The following AKAP1 variants were observed in gnomAD, a reference collection of about 807,000 sequenced individuals.
AKAP1 encodes the protein A-kinase anchoring protein 1.
A neutral mutation model predicts 79.8 loss-of-function variants in AKAP1; 32 were observed. The observed-to-expected ratio is 0.40, with a 90% confidence interval of 0.30 to 0.54. The LOEUF is 0.54. Ranked by LOEUF, AKAP1 falls within the 20% of genes least tolerant of loss-of-function variation. The pLI, the probability that AKAP1 is intolerant of heterozygous loss-of-function variation, is 0.47. For synonymous variants in AKAP1, 416 were observed against 466.7 expected, an observed-to-expected ratio of 0.89 and a Z score of 1.40; for missense variants, 961 against 1,138.9, an observed-to-expected ratio of 0.84 and a Z score of 2.25.
chr17:57,115,321 G>C (rs1915513583), intron 6 of AKAP1, among the ~76,000 whole-genome samples: 1 of 152,094 alleles, frequency 6.6e-6, no homozygotes, highest in Admixed American at 6.6e-5. Flanking sequence ...TTTTCCTTTT[G>C]GAAGGATAAG....
chr17:57,097,519 C>G (rs1291847173), intron 1 of AKAP1, among the ~76,000 whole-genome samples: 1 of 152,270 alleles, frequency 6.6e-6, no homozygotes, highest in Non-Finnish European at 1.5e-5. Context: ...CTCGACCAAA[C>G]TCCCATGGAA....
In AKAP1 at chr17:57,118,459, G is replaced by A. The variant is rs765893621; in HGVS notation, c.2574+5G>A. Reference sequence around the variant, plus strand: ...AATACAGCACTGCTTGCTCAGGTGTGTGGTTGGCAGGGGTGGGGGAGGCAG... The same window carrying A: ...AATACAGCACTGCTTGCTCAGGTGTATGGTTGGCAGGGGTGGGGGAGGCAG... On this transcript the variant is annotated splice_donor_5th_base_variant and intron_variant, in intron 9 of 10. Coordinates refer to ENST00000337714, the MANE Select transcript of AKAP1 (RefSeq NM_003488.4). 1 of 1,613,884 alleles carries A rather than the reference G, an allele frequency of 6.2e-7. No individual in the cohort carries two copies. The highest frequency in any genetic ancestry group is 8.5e-7 in the Non-Finnish European group (1 of 1,179,860).
At chr17:57,119,427 A>G (rs765071595) in intron 10 of AKAP1, among the ~76,000 whole-genome samples, 3 of 152,030 alleles carry the variant, frequency 2.0e-5, no homozygotes, top group East Asian at 3.9e-4. Flanking sequence ...TAAAAAGCCT[A>G]TCCTGGCCAG....
chr17:57,114,623 C>G lies in AKAP1; in HGVS notation c.2268C>G (p.Pro756=), dbSNP rs1235342976. Reference sequence around the variant, plus strand: ...CTCAGCCTGGAATCCCCACCTTGCCCACCCCAGTGGAAAGTAAGCAGTGCC... The same window carrying G: ...CTCAGCCTGGAATCCCCACCTTGCCGACCCCAGTGGAAAGTAAGCAGTGCC... The part of the protein sequence containing the change: ...CYSQPGIPTL[P]TPVEITVICA... Residue 756 remains proline, a synonymous_variant, in exon 6 of 11, where the codon CCC becomes CCG. Coordinates refer to ENST00000337714, the MANE Select transcript of AKAP1 (RefSeq NM_003488.4). The G allele has an allele frequency of 1.2e-6, 2 of 1,613,916 alleles. No homozygotes were observed. Among genetic ancestry groups the G allele is most frequent in the Admixed American group, 3.3e-5 (2 of 59,992 alleles).
chr17:57,119,767 C>A (rs1291738603), intron 10 of AKAP1, among the ~76,000 whole-genome samples: 1 of 148,280 alleles, frequency 6.7e-6, no homozygotes, highest in Non-Finnish European at 1.5e-5. Context: ...CAGCAGCCAA[C>A]AGAATACTTA....
Position 57,086,199 on chromosome 17 carries a change from A to T in AKAP1, c.-25+801A>T, listed in dbSNP as rs555749893. 3.1e-6 allele frequency: 1 copy of T among 322,316 alleles called. No individual in the cohort carries two copies. Among genetic ancestry groups the T allele is most frequent in the African/African-American group, 2.3e-5 (1 of 44,150 alleles). The allele number at this position is 322,316 out of a possible 1,614,324, so 20.0% of individuals were successfully genotyped here. On this transcript the variant is annotated intron_variant, in intron 1 of 10. Transcript: ENST00000337714. This position sits in a 1 kb window ranked among gnomAD's most constrained non-coding sequence, Gnocchi z 5.1. ...CTCACGCCCGGGGGCCCCGACGGTC[A>T]CGTGTCCGGCCCCGCCTGCGGCCCA...
At chr17:57,109,494 C>T (rs1276579513) in intron 2 of AKAP1, among the ~76,000 whole-genome samples, 1 of 152,236 alleles carries the variant, frequency 6.6e-6, no homozygotes, top group Non-Finnish European at 1.5e-5. Context: ...AAGAATGGGG[C>T]CCTCAGGCAG....
intron 2 of AKAP1, chr17:57,108,130 A>G (rs1319120949): frequency 1.3e-6 from 1 of 768,116 alleles, no homozygotes; most frequent in African/African-American, 1.9e-5. Context: ...GAATATCCCG[A>G]GTGGCTCTCT....
Position 57,120,949 on chromosome 17 carries a change from TG to T in AKAP1, c.*627del, listed in dbSNP as rs1915887933. Reference sequence around the variant, plus strand: ...AGGGGAACTGGTATCCTGCCAAGCCTGGTTGTAATTTGTAACCATTTTCTAT... The same window carrying T: ...AGGGGAACTGGTATCCTGCCAAGCCTGTTGTAATTTGTAACCATTTTCTAT... On this transcript the variant is annotated 3_prime_UTR_variant, in exon 11 of 11. Coordinates refer to ENST00000337714, the MANE Select transcript of AKAP1 (RefSeq NM_003488.4). 6.5e-6 allele frequency: 1 copy of T among 152,744 alleles called. No individual in the cohort carries two copies. The highest frequency in any genetic ancestry group is 2.1e-4 in the South Asian group (1 of 4,832). The allele number at this position is 152,744 out of a possible 1,614,324, so 9.5% of individuals were successfully genotyped here.
rs1915631835 is a variant in AKAP1, at chr17:57,117,059, G to C, written c.2500+132G>C. On this transcript the variant is annotated intron_variant, in intron 8 of 10. Coordinates refer to ENST00000337714, the MANE Select transcript of AKAP1 (RefSeq NM_003488.4). ...TGCTACCACTCAAGAGTTTCTGACT[G>C]AATAGGTCTGGGCTTAGGCCCAGGA... 6 of 943,870 alleles carry C rather than the reference G, an allele frequency of 6.4e-6. No homozygotes were observed. The Admixed American group carries it at 1.1e-4, about 18-fold the overall frequency. 58.5% of individuals were successfully genotyped at this position (943,870 alleles called of 1,614,324 possible). A position where few individuals can be genotyped will look rare whatever the true frequency, so the allele number is the denominator to read the frequency against.
At chr17:57,120,117 C>T (rs533680034) in intron 10 of AKAP1, 133 bp from the exon 11 acceptor site, 13 of 720,608 alleles carry the variant, frequency 1.8e-5, no homozygotes, top group East Asian at 1.1e-4. Context: ...TGAGCCACTG[C>T]GTCTGGCCTA....
intron 2 of AKAP1, chr17:57,108,005 G>T (rs868631669): frequency 7.8e-6 from 10 of 1,287,174 alleles, no homozygotes; most frequent in Non-Finnish European, 1.0e-5. Context: ...TGGGTTTTTC[G>T]AGTGCTGACC....
chr17:57,100,743 G>T (rs138727976), intron 1 of AKAP1, among the ~76,000 whole-genome samples: 6 of 152,272 alleles, frequency 3.9e-5, no homozygotes, highest in African/African-American at 1.4e-4. Flanking sequence ...AGCAGGCCAC[G>T]GGCACACTCC....
At chr17:57,111,331 C>T (rs955427516) in intron 3 of AKAP1, among the ~76,000 whole-genome samples, 18 of 152,366 alleles carry the variant, frequency 1.2e-4, no homozygotes, top group African/African-American at 4.1e-4. Context: ...ATTTTCAAAT[C>T]GAGCCCCTTT....
chr17:57,104,346 T>A (rs1914712430), intron 1 of AKAP1, among the ~76,000 whole-genome samples: 1 of 152,232 alleles, frequency 6.6e-6, no homozygotes, highest in Non-Finnish European at 1.5e-5. Flanking sequence ...CTATGCTGGT[T>A]CTCTGTTGTC....
At chr17:57,114,735 G>C in intron 6 of AKAP1, 99 bp downstream of exon 6, 4 of 1,273,424 alleles carry the variant, frequency 3.1e-6, no homozygotes, top group Non-Finnish European at 4.3e-6. Flanking sequence ...ATCCTTCATG[G>C]AAGCAGCATC....
intron 4 of AKAP1, 138 bp from the exon 5 acceptor site, chr17:57,112,353 A>T: frequency 1.0e-6 from 1 of 999,032 alleles, no homozygotes; most frequent in Non-Finnish European, 1.5e-6. Context: ...GCAGAGCTTA[A>T]GTGTTTTGTT....
At position 57,105,847 on chromosome 17, in the gene AKAP1, G is replaced by C. The variant is rs957060512; in HGVS notation, c.383G>C (p.Ser128Thr). Reference sequence around the variant, plus strand: ...CGACCAGGAACACGCAGAGATGACAGTACAAAGCTGGAGCTAGCCCTGACA... The same window carrying C: ...CGACCAGGAACACGCAGAGATGACACTACAAAGCTGGAGCTAGCCCTGACA... The part of the protein sequence containing the change: ...RLRPGTRRDD[S>T]TKLELALTGG... The change falls in exon 2 of 11, where the codon AGT becomes ACT. Residue 128 changes from serine (S) to threonine (T), a missense_variant. Physicochemically the swap from Ser to Thr is moderately conservative, Grantham distance 58. Transcript: ENST00000337714. 6 of 1,614,222 alleles carry C rather than the reference G, an allele frequency of 3.7e-6. No individual in the cohort carries two copies. The highest frequency in any genetic ancestry group is 5.1e-6 in the Non-Finnish European group (6 of 1,180,042).
At chr17:57,100,447 G>A (rs12940974) in intron 1 of AKAP1, among the ~76,000 whole-genome samples, 944 of 75,264 alleles carry the variant, frequency 0.013, 7 homozygotes, top group African/African-American at 0.056. Context: ...ACACACACAC[G>A]CACACACACA....
Sources: allele counts gnomAD v4.1 joint callset (sites outside exome capture counted in the v4.1 genomes callset), GRCh38; gene constraint gnomAD v4.1.1; non-coding constraint Gnocchi (gnomAD v3.1); transcripts MANE v1.5; gene names NCBI Gene and HGNC (gene_info 2026-07-23, HGNC 2026-07-21).